Variants in KIAA0232 observed in about 807,000 individuals in gnomAD.
The protein encoded by KIAA0232 is KIAA0232.
In KIAA0232, 27 loss-of-function variants were observed where a neutral mutation model predicts 122.0. The ratio of observed to expected loss-of-function variants is 0.22; its 90% confidence interval spans 0.16 to 0.31. The LOEUF is 0.31. Ranked by LOEUF, KIAA0232 falls within the 10% of genes least tolerant of loss-of-function variation. The probability of loss-of-function intolerance (pLI) is 1.00; values close to 1 mark genes in which losing one functional copy is unlikely to be tolerated. For synonymous variants in KIAA0232, 613 were observed against 587.6 expected, an observed-to-expected ratio of 1.04 and a Z score of -0.63; for missense variants, 1,551 against 1,634.2, an observed-to-expected ratio of 0.95 and a Z score of 0.88.
intron 3 of KIAA0232, among the ~76,000 whole-genome samples, chr4:6,833,579 C>G (rs1367783308): frequency 1.3e-5 from 2 of 151,624 alleles, no homozygotes; most frequent in East Asian, 3.9e-4. Context: ...TGCAGTGAGC[C>G]ATGATTGTGT....
chr4:6,788,967 C>CTT (rs71646657), intron 1 of KIAA0232, among the ~76,000 whole-genome samples: 2 of 149,682 alleles, frequency 1.3e-5, no homozygotes. Context: ...CATTTTCTTT[C>CTT]TTTTTTTTTT....
rs544454642 is a variant in KIAA0232, at chr4:6,801,070, C to T, written c.-353-3453C>T. 9.7e-4 allele frequency among the ~76,000 whole-genome samples: 147 copies of T among 152,232 alleles called. 1 individual carries two copies. The Middle Eastern group carries it at 0.017, about 18-fold the overall frequency. On this transcript the variant is annotated intron_variant, in intron 1 of 9. Transcript: ENST00000307659. The stretch of plus-strand genomic sequence containing the variant: ...TTAAGTTCAGCAGCTGGGTATTGAA[C>T]CAGGATGTGGAATTGTCAGCATTTC...
chr4:6,871,629 C>A lies in KIAA0232; in HGVS notation c.3857C>A (p.Thr1286Asn). The change falls in exon 8 of 10, where the codon ACC becomes AAC. Residue 1286 changes from threonine (T) to asparagine (N), a missense_variant. By Grantham distance (65) the Thr-to-Asn change is moderately conservative. Around this residue, in one of 5 missense-constraint regions of KIAA0232, gnomAD observed 1,108 missense variants for 1,154.8 expected, o/e 0.96. Transcript: ENST00000307659. ...QGMNRSQEKQ[T>N]WWEKALYSPL... ...ATGAATAGAAGTCAAGAAAAACAGA[C>A]CTGGTGGGAAAAAGCCTTGTACTCT... 6.2e-7 allele frequency: 1 copy of A among 1,612,958 alleles called. No homozygotes were observed. The highest frequency in any genetic ancestry group is 1.1e-5 in the South Asian group (1 of 91,054).
intron 1 of KIAA0232, among the ~76,000 whole-genome samples, chr4:6,788,156 G>C (rs1716717791): frequency 6.6e-6 from 1 of 152,070 alleles, no homozygotes; most frequent in African/African-American, 2.4e-5. Context: ...TTGGCCTCCT[G>C]AGTAGCTGGG....
At chr4:6,874,844 C>CT in intron 8 of KIAA0232, among the ~76,000 whole-genome samples, 1 of 148,486 alleles carries the variant, frequency 6.7e-6, no homozygotes, top group East Asian at 2.0e-4. Context: ...ATCATGAAGA[C>CT]TATCAGCAGC....
rs370790098 is a variant in KIAA0232 at position 6,816,058 on chromosome 4, A to G, written c.-269-8127A>G. 2.6e-3 allele frequency among the ~76,000 whole-genome samples: 396 copies of G among 152,246 alleles called. 1 individual carries two copies. Among genetic ancestry groups the G allele is most frequent in the African/African-American group, 9.1e-3 (376 of 41,544 alleles). On this transcript the variant is annotated intron_variant, in intron 2 of 9. Transcript: ENST00000307659. The stretch of plus-strand genomic sequence containing the variant: ...TATATCAGTCTTTACAGTGAATCCA[A>G]TCTTTCATGGTGTCAATTTTTAAGG...
chr4:6,786,530 A>G (rs1716626777), intron 1 of KIAA0232, among the ~76,000 whole-genome samples: 1 of 151,640 alleles, frequency 6.6e-6, no homozygotes, highest in South Asian at 2.1e-4. Context: ...CTGATCTCGA[A>G]CTCCTGGGCT....
intron 3 of KIAA0232, among the ~76,000 whole-genome samples, chr4:6,839,577 A>C (rs1335975361): frequency 2.0e-5 from 3 of 152,224 alleles, no homozygotes; most frequent in African/African-American, 7.2e-5. Context: ...ATAAAGGAAT[A>C]GTGTGTATAA....
chr4:6,841,427 A>T (rs1223888000), intron 3 of KIAA0232, among the ~76,000 whole-genome samples: 1 of 152,274 alleles, frequency 6.6e-6, no homozygotes, highest in Admixed American at 6.5e-5. Flanking sequence ...CAAGATACAA[A>T]TTTAACAGAA....
intron 4 of KIAA0232, among the ~76,000 whole-genome samples, chr4:6,843,016 G>C (rs1482797952): frequency 6.6e-6 from 1 of 151,932 alleles, no homozygotes; most frequent in African/African-American, 2.4e-5. Flanking sequence ...GTACTGTATT[G>C]GCATATGATT....
chr4:6,844,732 G>T (rs1719862375), intron 4 of KIAA0232, among the ~76,000 whole-genome samples: 1 of 152,144 alleles, frequency 6.6e-6, no homozygotes, highest in Non-Finnish European at 1.5e-5. Flanking sequence ...CACCGTGCCT[G>T]GCCAGCTTCT....
At chr4:6,850,142 G>A (rs1247573213) in intron 4 of KIAA0232, among the ~76,000 whole-genome samples, 1 of 152,116 alleles carries the variant, frequency 6.6e-6, no homozygotes. Context: ...TGAGAGTGAG[G>A]CACTATAAAA....
In KIAA0232 at chr4:6,882,144, C is replaced by T. The variant is rs957402658; in HGVS notation, c.*1178C>T. On this transcript the variant is annotated 3_prime_UTR_variant, in exon 10 of 10. Transcript: ENST00000307659. ...GTCTGTGCATGGCGATCCGCTCCTC[C>T]GGCTCTCATGGCATTGTGCCACAGG... 6.6e-6 allele frequency: 1 copy of T among 152,336 alleles called. No individual in the cohort carries two copies. 9.4% of individuals were successfully genotyped at this position (152,336 alleles called of 1,614,324 possible).
At chr4:6,809,618 TAGAAA>T (rs1373030770) in intron 2 of KIAA0232, among the ~76,000 whole-genome samples, 1 of 133,526 alleles carries the variant, frequency 7.5e-6, no homozygotes, top group Non-Finnish European at 1.6e-5. Context: ...GCATCCAAAT[TAGAAA>T]AGAGGAGGTC....
chr4:6,793,008 A>G (rs1231128255), intron 1 of KIAA0232, among the ~76,000 whole-genome samples: 1 of 152,136 alleles, frequency 6.6e-6, no homozygotes, highest in Non-Finnish European at 1.5e-5. Context: ...TTTTGAACTC[A>G]GAACCCACAT....
At chr4:6,854,012 G>A (rs945000621) in intron 4 of KIAA0232, among the ~76,000 whole-genome samples, 5 of 152,140 alleles carry the variant, frequency 3.3e-5, no homozygotes, top group Non-Finnish European at 5.9e-5. Flanking sequence ...AGAAGGAGCA[G>A]GCCATGAAGT....
chr4:6,837,921 G>C (rs1237118514), intron 3 of KIAA0232, among the ~76,000 whole-genome samples: 1 of 152,190 alleles, frequency 6.6e-6, no homozygotes, highest in South Asian at 2.1e-4. Flanking sequence ...GAGAGGGGGA[G>C]GGGGAGGGAG....
At chr4:6,790,139 A>T (rs1169264014) in intron 1 of KIAA0232, among the ~76,000 whole-genome samples, 4 of 152,202 alleles carry the variant, frequency 2.6e-5, no homozygotes, top group Non-Finnish European at 5.9e-5. Context: ...GTTAATATAC[A>T]TTAAGCAGTA....
chr4:6,877,010 C>G (rs994666545), intron 9 of KIAA0232, among the ~76,000 whole-genome samples: 9 of 152,206 alleles, frequency 5.9e-5, no homozygotes, highest in African/African-American at 2.2e-4. Flanking sequence ...AGTCTTGGCT[C>G]TACACTACTG....
Sources: allele counts gnomAD v4.1 joint callset (sites outside exome capture counted in the v4.1 genomes callset), GRCh38; gene constraint gnomAD v4.1.1; regional missense constraint gnomAD v4.1.1; transcripts MANE v1.5; gene names NCBI Gene and HGNC (gene_info 2026-07-23, HGNC 2026-07-21).